Variants in MGMT observed in about 807,000 individuals in gnomAD.
The protein encoded by MGMT is methylated-DNA--protein-cysteine methyltransferase.
MGMT carries 14 observed loss-of-function variants against 15.9 expected under a neutral mutation model. The observed-to-expected ratio is 0.88, with a 90% CI of 0.58 to 1.37. MGMT has a LOEUF of 1.37. MGMT is among the 40% of genes most tolerant of loss of function. MGMT has a pLI of 0.00. For synonymous variants in MGMT, 130 were observed against 118.2 expected (o/e 1.10, Z -0.65); for missense variants, 282 against 268.1 (o/e 1.05, Z -0.36).
chr10:129,733,518 A>C (rs201328561), intron 3 of MGMT, among the ~76,000 whole-genome samples: 34,882 of 146,062 alleles, frequency 0.24, 4,454 homozygotes, highest in East Asian at 0.41. Context: ...TTGCCTGTTC[A>C]CTCTGATGGT....
Position 129,531,583 on chromosome 10 carries a change from G to C in MGMT, c.-12-4658G>C, listed in dbSNP as rs552025604. Among the ~76,000 whole-genome samples, 454 of 152,212 alleles carry C rather than the reference G, an allele frequency of 3.0e-3. 2 individuals carry two copies. Among genetic ancestry groups the C allele is most frequent in the African/African-American group, 0.01 (432 of 41,516 alleles). ...ACGCTGCCGTGCTCGGTGGCCTGGG[G>C]CTTCTGTCCTGTAGAGGCCTCAGCC... is the stretch of plus-strand genomic sequence containing the variant. On this transcript the variant is annotated intron_variant, in intron 1 of 4. Coordinates refer to ENST00000651593, the MANE Select transcript of MGMT (RefSeq NM_002412.5).
rs759854999 is a variant in MGMT, at chr10:129,587,556, C to T, written c.125+51179C>T. On this transcript the variant is annotated intron_variant, in intron 2 of 4. Coordinates refer to ENST00000651593, the MANE Select transcript of MGMT (RefSeq NM_002412.5). Reference sequence around the variant, plus strand: ...CCAGGCTGGAGGGCAGTGGTGTGATCTTGGCTCACTGCAACCTCCTCCTCC... The same window carrying T: ...CCAGGCTGGAGGGCAGTGGTGTGATTTTGGCTCACTGCAACCTCCTCCTCC... Among the ~76,000 whole-genome samples, 10 of 150,848 alleles carry T rather than the reference C, an allele frequency of 6.6e-5. No homozygotes were observed. In the East Asian group the frequency reaches 2.0e-3, roughly 29 times the overall value.
intron 2 of MGMT, among the ~76,000 whole-genome samples, chr10:129,646,735 TATATATATATATATA>T: frequency 9.6e-6 from 1 of 103,668 alleles, no homozygotes. Flanking sequence ...TATATATATA[TATATATATATATATA>T]TATATTTTCA....
At chr10:129,575,355 A>T (rs1846467916) in intron 2 of MGMT, among the ~76,000 whole-genome samples, 1 of 152,172 alleles carries the variant, frequency 6.6e-6, no homozygotes, top group Admixed American at 6.5e-5. Context: ...CAGTGCAATC[A>T]AACTAGAACT....
chr10:129,694,604 T>C (rs974683942), intron 2 of MGMT, among the ~76,000 whole-genome samples: 7 of 152,178 alleles, frequency 4.6e-5, no homozygotes, highest in Admixed American at 4.6e-4. Flanking sequence ...TTCTCAGAAC[T>C]CTCCAGCCCC....
intron 1 of MGMT, among the ~76,000 whole-genome samples, chr10:129,501,419 A>G (rs538794104): frequency 6.6e-6 from 1 of 152,246 alleles, no homozygotes; most frequent in East Asian, 1.9e-4. Context: ...TTGAGGGTTT[A>G]TTTTGCAGTG....
chr10:129,686,573 T>TGTTGGCCAGGG lies in MGMT; in HGVS notation c.126-21321_126-21320insTTGGCCAGGGG, dbSNP rs3039559. On this transcript the variant is annotated intron_variant, in intron 2 of 4. Coordinates refer to ENST00000651593, the MANE Select transcript of MGMT (RefSeq NM_002412.5). Reference sequence around the variant, plus strand: ...TATTTTTGGTAGAAATGGGGTTTTCTGCTGCTCTCAAACTCCTGACCTCAA... The same window carrying TGTTGGCCAGGG: ...TATTTTTGGTAGAAATGGGGTTTTCTGTTGGCCAGGGGCTGCTCTCAAACTCCTGACCTCAA... 4.1e-3 allele frequency among the ~76,000 whole-genome samples: 626 copies of TGTTGGCCAGGG among 151,736 alleles called. 1 individual carries two copies. The highest frequency in any genetic ancestry group is 0.014 in the African/African-American group (584 of 41,342).
chr10:129,516,418 G>T (rs957103767), intron 1 of MGMT, among the ~76,000 whole-genome samples: 3 of 152,124 alleles, frequency 2.0e-5, no homozygotes, highest in Admixed American at 1.3e-4. Flanking sequence ...TCACAGTGGC[G>T]TGGGGTGGGG....
At chr10:129,526,659 A>T (rs909894593) in intron 1 of MGMT, among the ~76,000 whole-genome samples, 1 of 152,136 alleles carries the variant, frequency 6.6e-6, no homozygotes, top group African/African-American at 2.4e-5. Flanking sequence ...ACACCCGGCT[A>T]GTCTGTTTCT....
At chr10:129,660,461 A>G (rs1847583021) in intron 2 of MGMT, among the ~76,000 whole-genome samples, 1 of 152,130 alleles carries the variant, frequency 6.6e-6, no homozygotes, top group Non-Finnish European at 1.5e-5. Context: ...AGATTAAAAC[A>G]GACAAAAAAC....
intron 2 of MGMT, among the ~76,000 whole-genome samples, chr10:129,646,348 A>G (rs533277243): frequency 1.3e-5 from 2 of 152,188 alleles, no homozygotes; most frequent in Admixed American, 6.5e-5. Flanking sequence ...TAGAACCTTC[A>G]CTTGTAGAGA....
At chr10:129,501,033 T>G (rs1353064332) in intron 1 of MGMT, among the ~76,000 whole-genome samples, 1 of 152,232 alleles carries the variant, frequency 6.6e-6, no homozygotes, top group Non-Finnish European at 1.5e-5. Context: ...TTGAGCTCAG[T>G]GACGGGGTCA....
rs118061792 is a variant in MGMT, at chr10:129,532,516, C to T, written c.-12-3725C>T. ...GTGGCCCTCCACCGCCCTGCTCCTT[C>T]CTCCGGGTGGGGGACACCCCATCCC... On this transcript the variant is annotated intron_variant, in intron 1 of 4. Coordinates refer to ENST00000651593, the MANE Select transcript of MGMT (RefSeq NM_002412.5). The surrounding 1 kb of genome is among the most constrained non-coding windows in gnomAD (Gnocchi z 5.3). Among the ~76,000 whole-genome samples, 1,224 of 152,246 alleles carry T rather than the reference C, an allele frequency of 8.0e-3. 10 individuals carry two copies. Among genetic ancestry groups the T allele is most frequent in the Admixed American group, 0.013 (193 of 15,294 alleles).
At chr10:129,586,349 C>T (rs763120874) in intron 2 of MGMT, among the ~76,000 whole-genome samples, 10 of 152,304 alleles carry the variant, frequency 6.6e-5, no homozygotes, top group East Asian at 1.9e-4. Flanking sequence ...CACCTCAACC[C>T]GCTTTCCTTT....
chr10:129,689,685 G>A (rs573630103), intron 2 of MGMT, among the ~76,000 whole-genome samples: 2 of 152,264 alleles, frequency 1.3e-5, no homozygotes, highest in East Asian at 3.9e-4. Context: ...CAGGCAAAGG[G>A]CCATTTCTGT....
chr10:129,502,062 C>G (rs951734992), intron 1 of MGMT, among the ~76,000 whole-genome samples: 33 of 152,234 alleles, frequency 2.2e-4, no homozygotes, highest in Admixed American at 1.3e-4. Flanking sequence ...AAGGCCGCTG[C>G]TGGGGCTAGC....
At chr10:129,748,991 T>G (rs183273261) in intron 3 of MGMT, among the ~76,000 whole-genome samples, 115 of 152,324 alleles carry the variant, frequency 7.5e-4, no homozygotes, top group Admixed American at 1.2e-3. Context: ...TCTTACAGAC[T>G]CCACTCACTT....
chr10:129,690,807 A>G (rs984378289), intron 2 of MGMT, among the ~76,000 whole-genome samples: 11 of 152,214 alleles, frequency 7.2e-5, no homozygotes, highest in African/African-American at 2.7e-4. Context: ...CAGCCAGGAC[A>G]GAGCCTGAGC....
At chr10:129,750,342 C>T (rs979154710) in intron 3 of MGMT, among the ~76,000 whole-genome samples, 1 of 152,012 alleles carries the variant, frequency 6.6e-6, no homozygotes, top group East Asian at 1.9e-4. Context: ...CTAATTGTTC[C>T]AGGGCCATTT....
Sources: allele counts gnomAD v4.1 joint callset (sites outside exome capture counted in the v4.1 genomes callset), GRCh38; gene constraint gnomAD v4.1.1; non-coding constraint Gnocchi (gnomAD v3.1); transcripts MANE v1.5; gene names NCBI Gene and HGNC (gene_info 2026-07-23, HGNC 2026-07-21).